The following ACCSL variants were observed in gnomAD, a reference collection of about 807,000 sequenced individuals.
ACCSL encodes probable inactive 1-aminocyclopropane-1-carboxylate synthase-like protein 2.
Under a neutral mutation model 61.7 loss-of-function variants are expected in ACCSL, and 55 were observed. The observed-to-expected ratio is 0.89, with a 90% CI of 0.72 to 1.12. ACCSL has a LOEUF of 1.12. Ranked by LOEUF, ACCSL falls within the 50% of genes most tolerant of loss-of-function variation. The pLI, the probability that ACCSL is intolerant of heterozygous loss-of-function variation, is 0.00. For missense variants in ACCSL, 632 were observed against 698.0 expected (o/e 0.91, Z 1.07); for synonymous variants, 258 against 264.3 (o/e 0.98, Z 0.23).
At chr11:43,989,275 T>C in the ACCSL span, among the ~76,000 whole-genome samples, 1 of 152,156 alleles carries the variant, frequency 6.6e-6, no homozygotes, top group Non-Finnish European at 1.5e-5. Flanking sequence ...CGATCTGGCC[T>C]GGCAATGATG....
Position 44,048,264 on chromosome 11 carries a change from C to T in ACCSL, c.228C>T (p.Cys76=). 1 of 1,614,106 alleles carries T rather than the reference C, an allele frequency of 6.2e-7. No individual in the cohort carries two copies. ...AAGCCCTTCTGAGTCGCTTAATATG[C>T]CGGATGATCAACCTCCTACAGTCTG... is the stretch of plus-strand genomic sequence containing the variant. ...EHEALLSRLI[C]RMINLLQSGA... is the part of the protein sequence containing the mutation. The change falls in exon 1 of 14, where the codon TGC becomes TGT. Residue 76 remains cysteine (C), a synonymous_variant. Coordinates refer to ENST00000378832, the MANE Select transcript of ACCSL (RefSeq NM_001031854.2).
At chr11:44,041,233 T>TTATG in the ACCSL span, among the ~76,000 whole-genome samples, 1 of 152,184 alleles carries the variant, frequency 6.6e-6, no homozygotes, top group African/African-American at 2.4e-5. Context: ...CTGTAATGAA[T>TTATG]TATGTCCTTA....
the ACCSL span, among the ~76,000 whole-genome samples, chr11:43,985,759 C>A: frequency 6.6e-6 from 1 of 152,284 alleles, no homozygotes; most frequent in Admixed American, 6.5e-5. Flanking sequence ...CCTTGGATGT[C>A]TAAAGACATC....
the ACCSL span, among the ~76,000 whole-genome samples, chr11:43,997,877 C>T: frequency 6.6e-6 from 1 of 152,202 alleles, no homozygotes; most frequent in Non-Finnish European, 1.5e-5. Flanking sequence ...AAGAGAATGT[C>T]TCCCTCCTCC....
chr11:43,939,435 A>C, the ACCSL span, among the ~76,000 whole-genome samples: 66 of 152,238 alleles, frequency 4.3e-4, no homozygotes, highest in African/African-American at 1.5e-3. Context: ...CTCTCACATA[A>C]TACAGTTCTG....
Position 44,056,093 on chromosome 11 carries a change from A to C in ACCSL, c.1185+8A>C, listed in dbSNP as rs376944985. 6.6e-5 allele frequency: 107 copies of C among 1,614,242 alleles called. No homozygotes were observed. The East Asian group carries it at 1.2e-3, about 17-fold the overall frequency. Reference sequence around the variant, plus strand: ...ATCTGGGGTACCAGTAAGGTGAGCCATTGCTTTCTCTCCTTGGCTAGGGAA... The same window carrying C: ...ATCTGGGGTACCAGTAAGGTGAGCCCTTGCTTTCTCTCCTTGGCTAGGGAA... On this transcript the variant is annotated splice_region_variant and intron_variant, in intron 10 of 13. Transcript: ENST00000378832.
chr11:43,988,650 T>G, the ACCSL span, among the ~76,000 whole-genome samples: 11 of 152,076 alleles, frequency 7.2e-5, no homozygotes, highest in South Asian at 2.3e-3. Context: ...TGCTGGGGTC[T>G]GTCAGGGTCT....
At chr11:43,966,828 C>G in the ACCSL span, among the ~76,000 whole-genome samples, 1 of 152,134 alleles carries the variant, frequency 6.6e-6, no homozygotes, top group Non-Finnish European at 1.5e-5. Flanking sequence ...CTTTCCCTGG[C>G]ACATCTATCA....
chr11:44,011,094 C>T, the ACCSL span, among the ~76,000 whole-genome samples: 3 of 152,196 alleles, frequency 2.0e-5, no homozygotes, highest in African/African-American at 7.2e-5. Flanking sequence ...GAGCGTACAT[C>T]TGTCTCTCCT....
chr11:43,982,254 C>G, the ACCSL span, among the ~76,000 whole-genome samples: 2 of 107,660 alleles, frequency 1.9e-5, no homozygotes, highest in African/African-American at 3.3e-5. Context: ...TTTTTTGAGA[C>G]TTAGTCTCTG....
the ACCSL span, among the ~76,000 whole-genome samples, chr11:44,036,308 T>A: frequency 6.6e-6 from 1 of 152,244 alleles, no homozygotes; most frequent in Non-Finnish European, 1.5e-5. Flanking sequence ...AAGAGAATAC[T>A]CTGGGCCTGG....
At chr11:44,040,465 T>C in the ACCSL span, among the ~76,000 whole-genome samples, 852 of 152,226 alleles carry the variant, frequency 5.6e-3, 13 homozygotes, top group African/African-American at 0.02. Context: ...CTTTAGGTAA[T>C]AGGGAATTCC....
At chr11:43,986,869 C>A in the ACCSL span, among the ~76,000 whole-genome samples, 1 of 152,150 alleles carries the variant, frequency 6.6e-6, no homozygotes, top group Non-Finnish European at 1.5e-5. Flanking sequence ...TGAGACACCC[C>A]AATAAACTTT....
the ACCSL span, among the ~76,000 whole-genome samples, chr11:44,006,445 C>A: frequency 6.6e-6 from 1 of 151,818 alleles, no homozygotes; most frequent in Non-Finnish European, 1.5e-5. Flanking sequence ...GGTAAGGTAC[C>A]CAACTTCTGG....
chr11:44,020,043 T>C, the ACCSL span, among the ~76,000 whole-genome samples: 4 of 152,226 alleles, frequency 2.6e-5, no homozygotes, highest in African/African-American at 2.4e-5. Flanking sequence ...GGCACCCTTG[T>C]TGAAAATCAA....
the ACCSL span, among the ~76,000 whole-genome samples, chr11:43,931,859 G>A: frequency 6.6e-6 from 1 of 152,250 alleles, no homozygotes; most frequent in Admixed American, 6.5e-5. Context: ...GGAAGAGGCT[G>A]TCTCAAACAG....
At chr11:43,971,029 G>T in the ACCSL span, among the ~76,000 whole-genome samples, 1 of 152,120 alleles carries the variant, frequency 6.6e-6, no homozygotes, top group African/African-American at 2.4e-5. Context: ...TAGATGTTAA[G>T]TTCTTAGAAA....
At chr11:44,034,706 T>C in the ACCSL span, among the ~76,000 whole-genome samples, 1 of 152,080 alleles carries the variant, frequency 6.6e-6, no homozygotes, top group African/African-American at 2.4e-5. Flanking sequence ...TCCTATGAAG[T>C]GTGGAAATTG....
chr11:43,967,273 G>A, the ACCSL span, among the ~76,000 whole-genome samples: 4 of 140,698 alleles, frequency 2.8e-5, no homozygotes, highest in Non-Finnish European at 6.0e-5. Flanking sequence ...TGCCTCCCAG[G>A]TTCAAGTGAT....
Sources: gnomAD v4.1 joint callset for allele counts (sites outside exome capture counted in the v4.1 genomes callset) on GRCh38, gnomAD v4.1.1 for gene constraint, MANE v1.5 for transcripts, NCBI Gene and HGNC (gene_info 2026-07-23, HGNC 2026-07-21) for gene names.